CALN1: variants seen among roughly 807,000 people sequenced by gnomAD.
CALN1 encodes calneuron 1.
CALN1 carries 17 observed loss-of-function variants against 30.6 expected under a neutral mutation model. The observed-to-expected ratio is 0.56, with a 90% confidence interval of 0.38 to 0.83. The LOEUF (loss-of-function observed/expected upper bound fraction) is 0.83. Ranked by LOEUF, CALN1 falls within the 40% of genes least tolerant of loss-of-function variation. The pLI, the probability that CALN1 is intolerant of heterozygous loss-of-function variation, is 0.00. For synonymous variants in CALN1, 156 were observed against 131.4 expected, an observed-to-expected ratio of 1.19 and a Z score of -1.28; for missense variants, 291 against 354.9, an observed-to-expected ratio of 0.82 and a Z score of 1.45.
intron 2 of CALN1, among the ~76,000 whole-genome samples, chr7:72,287,202 T>C (rs955365656): frequency 6.6e-5 from 10 of 152,266 alleles, no homozygotes; most frequent in Middle Eastern, 3.4e-3. Context: ...CCACCTACTC[T>C]ATTCTTTCAC....
At chr7:72,055,577 T>C (rs892800563) in intron 4 of CALN1, among the ~76,000 whole-genome samples, 1 of 151,988 alleles carries the variant, frequency 6.6e-6, no homozygotes. Flanking sequence ...AAGATTCAAA[T>C]AAAATTGCAA....
At position 72,295,430 on chromosome 7, in the gene CALN1, T is replaced by C. The variant is rs542860453; in HGVS notation, c.120-16620A>G. On this transcript the variant is annotated intron_variant, in intron 2 of 6. Coordinates refer to ENST00000395275, the MANE Select transcript of CALN1 (RefSeq NM_031468.4). ...CATTGGTAGCTTGATGGGGATGGCATTGAATCTGTAAATTGCCTTGGGCAG... is the reference window on the plus strand; with the variant it reads ...CATTGGTAGCTTGATGGGGATGGCACTGAATCTGTAAATTGCCTTGGGCAG... Among the ~76,000 whole-genome samples, 710 of 152,206 alleles carry C rather than the reference T, an allele frequency of 4.7e-3. 7 individuals are homozygous for C. The highest frequency in any genetic ancestry group is 0.015 in the African/African-American group (631 of 41,498).
At chr7:72,034,226 C>T (rs1009767439) in intron 4 of CALN1, among the ~76,000 whole-genome samples, 3 of 151,554 alleles carry the variant, frequency 2.0e-5, no homozygotes, top group East Asian at 2.0e-4. Flanking sequence ...TGGTGGCGGG[C>T]GCCTGTAGTC....
chr7:72,084,083 C>T (rs1805327196), intron 4 of CALN1, among the ~76,000 whole-genome samples: 1 of 151,504 alleles, frequency 6.6e-6, no homozygotes, highest in Non-Finnish European at 1.5e-5. Flanking sequence ...GTGGTGTGCA[C>T]CTGTAGTCCC....
the CALN1 span, among the ~76,000 whole-genome samples, chr7:72,483,015 T>C: frequency 6.6e-6 from 1 of 152,168 alleles, no homozygotes; most frequent in South Asian, 2.1e-4. Flanking sequence ...TGTTTGTTTG[T>C]TTACTTGTTT....
chr7:72,443,878 T>C (rs1326290070), intron 1 of CALN1, among the ~76,000 whole-genome samples: 1 of 146,526 alleles, frequency 6.8e-6, no homozygotes, highest in African/African-American at 2.5e-5. Context: ...AGTTTCTCTC[T>C]TGTTGCCCAG....
intron 5 of CALN1, among the ~76,000 whole-genome samples, chr7:71,936,102 C>T (rs1795814989): frequency 6.6e-6 from 1 of 152,098 alleles, no homozygotes; most frequent in Non-Finnish European, 1.5e-5. Flanking sequence ...AATGGCATCA[C>T]CTGCTGAGTT....
At chr7:72,028,134 G>T (rs978898911) in intron 4 of CALN1, among the ~76,000 whole-genome samples, 1 of 149,804 alleles carries the variant, frequency 6.7e-6, no homozygotes, top group African/African-American at 2.4e-5. Flanking sequence ...TCCTGACCGT[G>T]ATATAATGGG....
At chr7:72,102,472 T>C (rs1027663268) in intron 4 of CALN1, among the ~76,000 whole-genome samples, 5 of 152,076 alleles carry the variant, frequency 3.3e-5, no homozygotes, top group African/African-American at 4.8e-5. Flanking sequence ...ACTACAAAGT[T>C]GTATTTTTTC....
At chr7:72,042,771 AG>A (rs1270277694) in intron 4 of CALN1, among the ~76,000 whole-genome samples, 4 of 152,300 alleles carry the variant, frequency 2.6e-5, no homozygotes, top group African/African-American at 7.2e-5. Context: ...AAAAGGAAAA[AG>A]GGTGCTTAGC....
chr7:72,131,445 A>G (rs1260535612), intron 3 of CALN1, among the ~76,000 whole-genome samples: 1 of 152,202 alleles, frequency 6.6e-6, no homozygotes, highest in Non-Finnish European at 1.5e-5. Context: ...AAATTTATTT[A>G]TCGCTGCTCT....
chr7:72,294,351 TGAA>T (rs1212050968), intron 2 of CALN1, among the ~76,000 whole-genome samples: 8 of 152,314 alleles, frequency 5.3e-5, no homozygotes, highest in African/African-American at 1.4e-4. Flanking sequence ...TGAAAGATGA[TGAA>T]GGTCATTCTA....
chr7:72,176,764 T>TC (rs1789387192), intron 3 of CALN1, among the ~76,000 whole-genome samples: 2 of 152,092 alleles, frequency 1.3e-5, no homozygotes, highest in Non-Finnish European at 2.9e-5. Context: ...CAATAGAGTC[T>TC]CCCTTTCCCA....
chr7:72,405,324 G>A (rs535041307), intron 1 of CALN1, among the ~76,000 whole-genome samples: 57 of 152,326 alleles, frequency 3.7e-4, no homozygotes, highest in African/African-American at 1.3e-3. Context: ...TCAGATGCGT[G>A]CTCACAGACC....
intron 5 of CALN1, among the ~76,000 whole-genome samples, chr7:71,831,756 G>C (rs892777321): frequency 6.6e-6 from 1 of 150,560 alleles, no homozygotes; most frequent in African/African-American, 2.4e-5. Flanking sequence ...GTGCAGTGTG[G>C]CAGCACGCAC....
At chr7:72,392,812 A>T (rs944554361) in intron 2 of CALN1, among the ~76,000 whole-genome samples, 3 of 145,252 alleles carry the variant, frequency 2.1e-5, no homozygotes, top group Non-Finnish European at 4.5e-5. Context: ...ACCCTGTTTA[A>T]ATTAAAAAAG....
chr7:72,030,181 G>A (rs1014857477), intron 4 of CALN1, among the ~76,000 whole-genome samples: 16 of 152,302 alleles, frequency 1.1e-4, no homozygotes, highest in East Asian at 1.9e-4. Context: ...TGTCTTGAGC[G>A]TTAGAGTATT....
intron 4 of CALN1, among the ~76,000 whole-genome samples, chr7:72,076,649 C>CAAAAAAAAAAAAAAAA (rs1224166514): frequency 2.5e-4 from 12 of 47,838 alleles, no homozygotes; most frequent in Non-Finnish European, 3.7e-4. Flanking sequence ...AAAAAAAAAG[C>CAAAAAAAAAAAAAAAA]AAAGACATGC....
At chr7:72,178,732 C>G (rs890708550) in intron 3 of CALN1, among the ~76,000 whole-genome samples, 1 of 151,938 alleles carries the variant, frequency 6.6e-6, no homozygotes, top group Admixed American at 6.6e-5. Flanking sequence ...GACAAACTCC[C>G]GCTTTATTTT....
Sources: allele counts gnomAD v4.1 joint callset (sites outside exome capture counted in the v4.1 genomes callset), GRCh38; gene constraint gnomAD v4.1.1; transcripts MANE v1.5; gene names NCBI Gene and HGNC (gene_info 2026-07-23, HGNC 2026-07-21).